The following ATG7 variants were observed in gnomAD, a reference collection of about 807,000 sequenced individuals.
The protein encoded by ATG7 is ubiquitin-like modifier-activating enzyme ATG7.
Under a neutral mutation model 82.4 loss-of-function variants are expected in ATG7, and 70 were observed. The observed-to-expected ratio is 0.85, with a 90% CI of 0.70 to 1.04. The LOEUF (loss-of-function observed/expected upper bound fraction) is 1.04. ATG7 is among the 50% of genes least tolerant of loss of function. ATG7 has a pLI of 0.00. For synonymous variants in ATG7, 287 were observed against 313.0 expected, an observed-to-expected ratio of 0.92 and a Z score of 0.88; for missense variants, 792 against 864.3, an observed-to-expected ratio of 0.92 and a Z score of 1.05.
chr3:11,281,154 C>T (rs1445624477), intron 2 of ATG7, 52 bp downstream of exon 2: 1 of 152,208 alleles, frequency 6.6e-6, no homozygotes, highest in East Asian at 1.9e-4. Flanking sequence ...ACCATATTGG[C>T]CTCTTGTGAT....
At chr3:11,336,324 C>G (rs922024541) in intron 11 of ATG7, among the ~76,000 whole-genome samples, 1 of 151,984 alleles carries the variant, frequency 6.6e-6, no homozygotes, top group South Asian at 2.1e-4. Flanking sequence ...GTGAGTCACA[C>G]GTCCAGCCGA....
intron 3 of ATG7, among the ~76,000 whole-genome samples, chr3:11,285,139 CTTTT>C (rs34116945): frequency 9.6e-6 from 1 of 104,102 alleles, no homozygotes; most frequent in Non-Finnish European, 1.8e-5. Flanking sequence ...TGTGAGCCAC[CTTTT>C]TTTTTTTTTT....
rs567057279 is a variant in ATG7 at position 11,434,931 on chromosome 3, T to G, written c.2079+8005T>G. ...CAGTGTTCTCATGAGTGACCTTGGA[T>G]GAATCCTTCAGTGTCCTGTGCATGC... On this transcript the variant is annotated intron_variant, in intron 20 of 20. Coordinates refer to ENST00000693202, the MANE Select transcript of ATG7 (RefSeq NM_001349232.2). 1.2e-4 allele frequency among the ~76,000 whole-genome samples: 18 copies of G among 152,348 alleles called. No individual in the cohort carries two copies. In the South Asian group the frequency reaches 3.5e-3, roughly 30 times the overall value.
chr3:11,463,274 A>T (rs2086520756), intron 20 of ATG7, among the ~76,000 whole-genome samples: 1 of 152,166 alleles, frequency 6.6e-6, no homozygotes, highest in South Asian at 2.1e-4. Flanking sequence ...CAGCCTTTGT[A>T]AGCTTGAGAG....
intron 1 of ATG7, among the ~76,000 whole-genome samples, chr3:11,279,060 C>T (rs1186142193): frequency 5.9e-5 from 9 of 152,170 alleles, no homozygotes; most frequent in Admixed American, 5.9e-4. Context: ...CTCCCTTTGC[C>T]TGGAGAGTCC....
chr3:11,290,453 C>T (rs937969041), intron 3 of ATG7: 7 of 267,990 alleles, frequency 2.6e-5, no homozygotes, highest in South Asian at 1.9e-4. Flanking sequence ...CAGTTTTCTT[C>T]TCCACGTTCT....
intron 20 of ATG7, among the ~76,000 whole-genome samples, chr3:11,441,655 CT>C (rs11329292): frequency 0.81 from 109,805 of 135,600 alleles, 44,547 homozygotes; most frequent in East Asian, 0.99. Flanking sequence ...CCCCTTTCTC[CT>C]TTTTTTTTTT....
At position 11,311,138 on chromosome 3, in the gene ATG7, A is replaced by C. The variant is rs185849620; in HGVS notation, c.411+2077A>C. ...GTGTGTTGGTCTTGCTGCCTTGTTT[A>C]CTGAGCATTCTTAGCCTGACTTAAA... On this transcript the variant is annotated intron_variant, in intron 7 of 20. Coordinates refer to ENST00000693202, the MANE Select transcript of ATG7 (RefSeq NM_001349232.2). 4.3e-4 allele frequency among the ~76,000 whole-genome samples: 66 copies of C among 152,264 alleles called. No individual in the cohort carries two copies. In the East Asian group the frequency reaches 7.9e-3, roughly 18 times the overall value.
At chr3:11,493,704 C>T (rs2454481) in intron 20 of ATG7, among the ~76,000 whole-genome samples, 80,004 of 151,988 alleles carry the variant, frequency 0.53, 22,025 homozygotes, top group East Asian at 0.66. Context: ...TAGGTAAATA[C>T]TTAGATACAA....
chr3:11,416,559 T>C (rs2081389536), intron 19 of ATG7, among the ~76,000 whole-genome samples: 1 of 152,182 alleles, frequency 6.6e-6, no homozygotes, highest in African/African-American at 2.4e-5. Context: ...ATGAAAAGGA[T>C]AATAAAGGAA....
intron 20 of ATG7, among the ~76,000 whole-genome samples, chr3:11,522,476 G>A (rs952504403): frequency 4.8e-5 from 7 of 145,982 alleles, no homozygotes; most frequent in African/African-American, 1.5e-4. Flanking sequence ...AGTGAGATGA[G>A]CGGATGAGCC....
At chr3:11,368,806 C>T (rs907276762) in intron 18 of ATG7, among the ~76,000 whole-genome samples, 13 of 150,146 alleles carry the variant, frequency 8.7e-5, no homozygotes, top group African/African-American at 3.0e-4. Flanking sequence ...ATTGATGGGG[C>T]ATTCCTGCTT....
At chr3:11,552,028 C>T (rs1275941106) in intron 20 of ATG7, among the ~76,000 whole-genome samples, 1 of 152,168 alleles carries the variant, frequency 6.6e-6, no homozygotes, top group East Asian at 1.9e-4. Context: ...GGATTACAGG[C>T]GTGCGCCACC....
In ATG7 at chr3:11,516,667, G is replaced by A. The variant is rs554802747; in HGVS notation, c.2080-38144G>A. Reference sequence around the variant, plus strand: ...TAATTGCCAAAACTTAGAAGCAACCGAGATGTCCTTCAGTAGGTGAATGGA... The same window carrying A: ...TAATTGCCAAAACTTAGAAGCAACCAAGATGTCCTTCAGTAGGTGAATGGA... On this transcript the variant is annotated intron_variant, in intron 20 of 20. Coordinates refer to ENST00000693202, the MANE Select transcript of ATG7 (RefSeq NM_001349232.2). Among the ~76,000 whole-genome samples the A allele has an allele frequency of 4.6e-5, 7 of 152,308 alleles. No individual in the cohort carries two copies. The South Asian group carries it at 6.2e-4, about 14-fold the overall frequency.
chr3:11,504,869 A>C (rs2091598715), intron 20 of ATG7, among the ~76,000 whole-genome samples: 1 of 152,146 alleles, frequency 6.6e-6, no homozygotes, highest in Admixed American at 6.6e-5. Context: ...TTATAGTATA[A>C]TTATGTTGAA....
chr3:11,466,982 G>C (rs374375462), intron 20 of ATG7, among the ~76,000 whole-genome samples: 1 of 152,192 alleles, frequency 6.6e-6, no homozygotes. Context: ...CAAAAAATTA[G>C]GTGTGGTGGC....
intron 14 of ATG7, among the ~76,000 whole-genome samples, chr3:11,356,480 T>C (rs566604336): frequency 2.0e-5 from 3 of 152,222 alleles, no homozygotes; most frequent in Non-Finnish European, 4.4e-5. Flanking sequence ...GTTGCTGAAT[T>C]CCAGCCTCTT....
chr3:11,358,016 A>T (rs1027480890), intron 14 of ATG7, among the ~76,000 whole-genome samples: 3 of 151,128 alleles, frequency 2.0e-5, no homozygotes, highest in African/African-American at 4.9e-5. Flanking sequence ...CTCAAAAAAA[A>T]AAAAAAAGAA....
intron 18 of ATG7, among the ~76,000 whole-genome samples, chr3:11,365,363 C>G (rs1276000525): frequency 6.6e-6 from 1 of 152,044 alleles, no homozygotes; most frequent in Non-Finnish European, 1.5e-5. Flanking sequence ...GAAAAAGAAT[C>G]CAAAGCATCA....
Sources: gnomAD v4.1 joint callset for allele counts (sites outside exome capture counted in the v4.1 genomes callset) on GRCh38, gnomAD v4.1.1 for gene constraint, MANE v1.5 for transcripts, NCBI Gene and HGNC (gene_info 2026-07-23, HGNC 2026-07-21) for gene names.